The following ACP7 variants were observed in gnomAD, a reference collection of about 807,000 sequenced individuals.
ACP7 encodes the protein acid phosphatase 7, tartrate resistant (putative), also known as acid phosphatase type 7.
A neutral mutation model predicts 60.6 loss-of-function variants in ACP7; 58 were observed. The observed-to-expected ratio is 0.96, with a 90% CI of 0.77 to 1.19. The LOEUF (loss-of-function observed/expected upper bound fraction) is 1.19. ACP7 is among the 50% of genes most tolerant of loss of function. The pLI is 0.00. For missense variants in ACP7, 574 were observed against 596.2 expected, an observed-to-expected ratio of 0.96 and a Z score of 0.39; for synonymous variants, 237 against 232.6, an observed-to-expected ratio of 1.02 and a Z score of -0.17.
At chr19:39,086,007 T>C (rs2073137168) in intron 2 of ACP7, among the ~76,000 whole-genome samples, 1 of 152,086 alleles carries the variant, frequency 6.6e-6, no homozygotes, top group Non-Finnish European at 1.5e-5. Context: ...TGGTGAGGTG[T>C]AAATGAGTTG....
At chr19:39,085,623 G>T (rs1473586875) in intron 2 of ACP7, among the ~76,000 whole-genome samples, 1 of 152,190 alleles carries the variant, frequency 6.6e-6, no homozygotes, top group African/African-American at 2.4e-5. Context: ...CTCAAAAGGG[G>T]ACCGCTGCTG....
At chr19:39,104,839 C>T (rs191318364) in intron 11 of ACP7, among the ~76,000 whole-genome samples, 2 of 151,854 alleles carry the variant, frequency 1.3e-5, no homozygotes, top group African/African-American at 2.4e-5. Context: ...GAGCCGAGAT[C>T]GTGCCATTGC....
chr19:39,098,946 C>T lies in ACP7; in HGVS notation c.323-14C>T. 1.2e-6 allele frequency: 2 copies of T among 1,607,154 alleles called. No homozygotes were observed. The highest frequency in any genetic ancestry group is 8.5e-7 in the Non-Finnish European group (1 of 1,177,704). ...GCGCCCCAGCTGACTGCGACCTTTTCCTCTCCCATTCAGTTTATCGCTGTG... is the reference window on the plus strand; with the variant it reads ...GCGCCCCAGCTGACTGCGACCTTTTTCTCTCCCATTCAGTTTATCGCTGTG... On this transcript the variant is annotated splice_polypyrimidine_tract_variant and intron_variant, in intron 3 of 12. Coordinates refer to ENST00000331256, the MANE Select transcript of ACP7 (RefSeq NM_001004318.3).
chr19:39,092,460 T>C (rs1020815871), intron 2 of ACP7, among the ~76,000 whole-genome samples: 1 of 152,130 alleles, frequency 6.6e-6, no homozygotes, highest in African/African-American at 2.4e-5. Context: ...ACAGCCTTTA[T>C]GCACAGTCCT....
At chr19:39,098,253 C>CAAAAAAAAAAAAAAAAAA (rs59373149) in intron 2 of ACP7, among the ~76,000 whole-genome samples, 1 of 64,952 alleles carries the variant, frequency 1.5e-5, no homozygotes, top group African/African-American at 6.4e-5. Flanking sequence ...GACCCTGACT[C>CAAAAAAAAAAAAAAAAAA]AAAAAAAAAA....
chr19:39,087,054 G>T (rs2073150951), intron 2 of ACP7, among the ~76,000 whole-genome samples: 5 of 152,058 alleles, frequency 3.3e-5, no homozygotes, highest in Admixed American at 2.6e-4. Flanking sequence ...TGTCAACCAG[G>T]CTGGAGTGCA....
At chr19:39,096,827 G>A (rs1234076708) in intron 2 of ACP7, among the ~76,000 whole-genome samples, 1 of 152,136 alleles carries the variant, frequency 6.6e-6, no homozygotes, top group Non-Finnish European at 1.5e-5. Context: ...GAGACAGACA[G>A]AGTCTTGCTC....
At chr19:39,090,314 G>A (rs531459001) in intron 2 of ACP7, among the ~76,000 whole-genome samples, 10 of 151,808 alleles carry the variant, frequency 6.6e-5, no homozygotes, top group Admixed American at 2.0e-4. Context: ...GATTACAGGC[G>A]CACGCTGCCA....
chr19:39,100,903 C>G (rs1568481210), intron 7 of ACP7, 46 bp from the exon 8 acceptor site: 1 of 1,610,124 alleles, frequency 6.2e-7, no homozygotes, highest in East Asian at 2.2e-5. Context: ...CCACCTCCCC[C>G]TCCACCCCTG....
Position 39,100,550 on chromosome 19 carries a change from C to A in ACP7, c.630-30C>A, listed in dbSNP as rs752203599. On this transcript the variant is annotated intron_variant, in intron 5 of 12. Coordinates refer to ENST00000331256, the MANE Select transcript of ACP7 (RefSeq NM_001004318.3). ...TAGGGCTATGAAATTCAGTCCTTCA[C>A]CTCCATCCCTTGTACTTCCTTTATT... The A allele has an allele frequency of 4.3e-6, 7 of 1,611,892 alleles. No homozygotes were observed. In the South Asian group the frequency reaches 7.7e-5, roughly 18 times the overall value.
intron 3 of ACP7, 99 bp from the exon 4 acceptor site, chr19:39,098,861 C>G (rs2073303347): frequency 8.9e-6 from 13 of 1,467,774 alleles, no homozygotes; most frequent in Admixed American, 1.9e-5. Flanking sequence ...CCCCACCAGT[C>G]CCCCCATCTC....
chr19:39,098,887 C>A, intron 3 of ACP7, 73 bp from the exon 4 acceptor site: 4 of 1,000,648 alleles, frequency 4.0e-6, no homozygotes, highest in Non-Finnish European at 5.6e-6. Context: ...CTCCACCAGT[C>A]GGGGAAGGAT....
chr19:39,088,736 T>A (rs2073171590), intron 2 of ACP7, among the ~76,000 whole-genome samples: 1 of 105,328 alleles, frequency 9.5e-6, no homozygotes, highest in Non-Finnish European at 2.3e-5. Flanking sequence ...GGTTTGTTTG[T>A]TTGTTTGTTT....
At chr19:39,092,846 C>T (rs1008189698) in intron 2 of ACP7, among the ~76,000 whole-genome samples, 13 of 138,932 alleles carry the variant, frequency 9.4e-5, no homozygotes, top group Admixed American at 5.7e-4. Flanking sequence ...GGTGTGATCT[C>T]GGCTCACTGC....
At chr19:39,096,383 A>C (rs904165890) in intron 2 of ACP7, among the ~76,000 whole-genome samples, 3 of 152,202 alleles carry the variant, frequency 2.0e-5, no homozygotes, top group Non-Finnish European at 4.4e-5. Context: ...TCTCTTTGCT[A>C]AAAGATAACA....
chr19:39,096,442 G>A (rs2073266976), intron 2 of ACP7, among the ~76,000 whole-genome samples: 1 of 152,130 alleles, frequency 6.6e-6, no homozygotes, highest in Non-Finnish European at 1.5e-5. Context: ...CTCCACCTGA[G>A]AGCACCTCTG....
chr19:39,093,172 C>CTTTCTTTCTTTCCTTCCTTCCTTCCT, intron 2 of ACP7, among the ~76,000 whole-genome samples: 3 of 80,932 alleles, frequency 3.7e-5, no homozygotes, highest in South Asian at 3.9e-4. Context: ...CTTTCTTTCT[C>CTTTCTTTCTTTCCTTCCTTCCTTCCT]TCCTTCCTTC....
Position 39,107,093 on chromosome 19 carries a change from G to T in ACP7, c.1251+9G>T, listed in dbSNP as rs751642642. The T allele has an allele frequency of 6.2e-7, 1 of 1,613,222 alleles. No homozygotes were observed. The highest frequency in any genetic ancestry group is 8.5e-7 in the Non-Finnish European group (1 of 1,179,618). ...AGGTGTCGGACGACCAGGTCAGTGA[G>T]GGGCAGGCCGAAGTCACCTGACTGT... On this transcript the variant is annotated intron_variant, in intron 12 of 12. Coordinates refer to ENST00000331256, the MANE Select transcript of ACP7 (RefSeq NM_001004318.3).
At chr19:39,108,492 CAT>C (rs2073435708) in intron 12 of ACP7, among the ~76,000 whole-genome samples, 1 of 152,008 alleles carries the variant, frequency 6.6e-6, no homozygotes, top group African/African-American at 2.4e-5. Flanking sequence ...AGGGGATAAT[CAT>C]AGTTTCCACC....
Sources: gnomAD v4.1 joint callset for allele counts (sites outside exome capture counted in the v4.1 genomes callset) on GRCh38, gnomAD v4.1.1 for gene constraint, MANE v1.5 for transcripts, NCBI Gene and HGNC (gene_info 2026-07-23, HGNC 2026-07-21) for gene names.